The following PLXNB1 variants were observed in gnomAD, a reference collection of about 807,000 sequenced individuals.
PLXNB1 encodes the protein plexin-B1.
In PLXNB1, 106 loss-of-function variants were observed where a neutral mutation model predicts 209.4. That is an observed-to-expected ratio of 0.51 (90% CI 0.43 to 0.59). The LOEUF (loss-of-function observed/expected upper bound fraction) is 0.59, where lower values mean the gene tolerates loss of function less well. PLXNB1 is among the 20% of genes least tolerant of loss of function. The pLI is 0.00. For missense variants in PLXNB1, 2,357 were observed against 2,853.2 expected (o/e 0.83, Z 3.96); for synonymous variants, 1,167 against 1,183.2 (o/e 0.99, Z 0.28).
At position 48,421,770 on chromosome 3, in the gene PLXNB1, G is replaced by T; in HGVS notation, c.1557C>A (p.Gly519=). The T allele has an allele frequency of 6.2e-7, 1 of 1,606,706 alleles. No individual in the cohort carries two copies. The highest frequency in any genetic ancestry group is 8.5e-7 in the Non-Finnish European group (1 of 1,174,138). Residue 519 remains glycine, a synonymous_variant, in exon 7 of 38, where the codon GGC becomes GGA. Transcript: ENST00000296440. ...SRRSECSRGQ[G]PEQWLWSFQP... Reference sequence around the variant, plus strand: ...GGAAGCTCCATAGCCACTGCTCTGGGCCCTGGCCCCTCGAGCACTCAGAAC... The same window carrying T: ...GGAAGCTCCATAGCCACTGCTCTGGTCCCTGGCCCCTCGAGCACTCAGAAC...
At position 48,418,010 on chromosome 3, in the gene PLXNB1, C is replaced by T; in HGVS notation, c.3275G>A (p.Gly1092Asp). The T allele has an allele frequency of 6.2e-7, 1 of 1,613,510 alleles. No individual in the cohort carries two copies. Among genetic ancestry groups the T allele is most frequent in the Non-Finnish European group, 8.5e-7 (1 of 1,180,012 alleles). The change falls in exon 16 of 38, where the codon GGC (glycine) becomes GAC (aspartate). Residue 1092 changes from glycine to aspartate, a missense_variant. Physicochemically the swap from Gly to Asp is moderately conservative, Grantham distance 94. Transcript: ENST00000296440. The surrounding 1 kb of genome is among the most constrained non-coding windows in gnomAD (Gnocchi z 6.6). The part of the protein sequence containing the change: ...VDGGTRVTIR[G>D]SNLGQHVQDV... Reference sequence around the variant, plus strand: ...CTGCACATGCTGGCCCAGGTTGGAGCCCCTGATGGTGACACGGGTGCCTCC... The same window carrying T: ...CTGCACATGCTGGCCCAGGTTGGAGTCCCTGATGGTGACACGGGTGCCTCC...
Position 48,415,642 on chromosome 3 carries a change from C to T in PLXNB1, c.3735G>A (p.Gln1245=), listed in dbSNP as rs759284081. The part of the protein sequence containing the change: ...GATERRLQRG[Q]FKYTLDPNIT... Reference sequence around the variant, plus strand: ...TGTTGGGGTCCAAGGTATACTTGAACTGTCCGCGTTGAAGCCTCCGCTCCG... The same window carrying T: ...TGTTGGGGTCCAAGGTATACTTGAATTGTCCGCGTTGAAGCCTCCGCTCCG... The change falls in exon 19 of 38, where the codon CAG becomes CAA. Residue 1245 remains glutamine (Q), a synonymous_variant. Coordinates refer to ENST00000296440, the MANE Select transcript of PLXNB1 (RefSeq NM_001130082.3). The surrounding 1 kb of genome is among the most constrained non-coding windows in gnomAD (Gnocchi z 5.0). 6 of 1,580,470 alleles carry T rather than the reference C, an allele frequency of 3.8e-6. No homozygotes were observed. Among genetic ancestry groups the T allele is most frequent in the Non-Finnish European group, 5.2e-6 (6 of 1,162,924 alleles).
Position 48,424,477 on chromosome 3 carries a change from G to C in PLXNB1, c.135C>G (p.Gly45=). The change falls in exon 3 of 38, where the codon GGC becomes GGG. Residue 45 remains glycine (G), a synonymous_variant. Transcript: ENST00000296440. Reference sequence around the variant, plus strand: ...AGTTGGTAGCCCCCAGGTAGAGGGTGCCTGAGGTGGGGTCCCTTGCCAGGT... The same window carrying C: ...AGTTGGTAGCCCCCAGGTAGAGGGTCCCTGAGGTGGGGTCCCTTGCCAGGT... ...LQHLARDPTS[G]TLYLGATNFL... is the part of the protein sequence containing the mutation. 5.0e-6 allele frequency: 8 copies of C among 1,602,118 alleles called. No homozygotes were observed. Among genetic ancestry groups the C allele is most frequent in the Non-Finnish European group, 6.8e-6 (8 of 1,174,396 alleles).
intron 1 of PLXNB1, among the ~76,000 whole-genome samples, chr3:48,426,808 T>A (rs981551796): frequency 3.3e-5 from 5 of 152,046 alleles, no homozygotes; most frequent in African/African-American, 7.2e-5. Flanking sequence ...GCAGGGAAAG[T>A]CTCGAACCCG....
At position 48,407,052 on chromosome 3, in the gene PLXNB1, G is replaced by C. The variant is rs1304908922; in HGVS notation, c.6127C>G (p.Pro2043Ala). 1 of 1,614,140 alleles carries C rather than the reference G, an allele frequency of 6.2e-7. No individual in the cohort carries two copies. Among genetic ancestry groups the C allele is most frequent in the East Asian group, 2.2e-5 (1 of 44,868 alleles). Reference sequence around the variant, plus strand: ...CTTTCCACCATCCGCTTGTACCGGGGAATGTCCCGTGCATACAGAAGTTTG... The same window carrying C: ...CTTTCCACCATCCGCTTGTACCGGGCAATGTCCCGTGCATACAGAAGTTTG... Reference protein sequence around the residue: ...INKLLYARDIPRYKRMVERYY... With the variant: ...INKLLYARDIARYKRMVERYY... Residue 2043 changes from proline (P) to alanine (A), a missense_variant, in exon 35 of 38, where the codon CCC becomes GCC. By Grantham distance (27) the Pro-to-Ala change is conservative. This residue lies in a region of PLXNB1 where 414 missense variants were observed against 520.5 expected (regional missense o/e 0.80). Transcript: ENST00000296440.
Position 48,406,837 on chromosome 3 carries a change from C to T in PLXNB1, c.6214G>A (p.Ala2072Thr), listed in dbSNP as rs747827750. The T allele has an allele frequency of 1.2e-6, 2 of 1,610,808 alleles. No homozygotes were observed. Among genetic ancestry groups the T allele is most frequent in the Admixed American group, 1.7e-5 (1 of 59,594 alleles). ...GGAGGCCTTACCCAGGACAGTTCAG[C>T]CAGGACAGAGTTCATCTCTTGGTCG... The part of the protein sequence containing the change: ...ASDQEMNSVL[A>T]ELSWNYSGDL... The change falls in exon 36 of 38, where the codon GCT (alanine) becomes ACT (threonine). Residue 2072 changes from alanine to threonine, a missense_variant. Ala to Thr is a moderately conservative substitution (Grantham distance 58). Transcript: ENST00000296440. This position sits in a 1 kb window ranked among gnomAD's most constrained non-coding sequence, Gnocchi z 4.4.
chr3:48,420,742 AC>A lies in PLXNB1; in HGVS notation c.1950del (p.Cys651ValfsTer147). On this transcript the variant is annotated frameshift_variant, in exon 10 of 38. Transcript: ENST00000296440. LOFTEE classifies it high-confidence loss of function. ...QCQACVSSRW[G>X]CNWCVWQHLC... is the part of the protein sequence containing the mutation. ...AGGTGCTGCCAGACACACCAGTTACACCCCCAGCGGCTGCTCACACAGGCCT... is the reference window on the plus strand; with the variant it reads ...AGGTGCTGCCAGACACACCAGTTACACCCCAGCGGCTGCTCACACAGGCCT... The A allele has an allele frequency of 6.2e-7, 1 of 1,613,764 alleles. No homozygotes were observed.
rs1005998498 is a variant in PLXNB1, at chr3:48,418,858, C to T, written c.2955+59G>A. Reference sequence around the variant, plus strand: ...GTGTGGTGCAGCCAGCTACAGTTGGCAGCCAGCCTGTGGCCAGTGCAGTGC... The same window carrying T: ...GTGTGGTGCAGCCAGCTACAGTTGGTAGCCAGCCTGTGGCCAGTGCAGTGC... On this transcript the variant is annotated intron_variant, in intron 13 of 37. Coordinates refer to ENST00000296440, the MANE Select transcript of PLXNB1 (RefSeq NM_001130082.3). The surrounding 1 kb of genome is among the most constrained non-coding windows in gnomAD (Gnocchi z 6.6). 3.7e-6 allele frequency: 6 copies of T among 1,601,736 alleles called. No individual in the cohort carries two copies. Among genetic ancestry groups the T allele is most frequent in the African/African-American group, 1.3e-5 (1 of 74,748 alleles).
intron 1 of PLXNB1, among the ~76,000 whole-genome samples, chr3:48,425,751 G>A (rs1380264999): frequency 6.6e-6 from 1 of 151,716 alleles, no homozygotes; most frequent in Non-Finnish European, 1.5e-5. Flanking sequence ...CAGCAGACAG[G>A]CAGTCGCACA....
rs1560053307 is a variant in PLXNB1 at position 48,413,221 on chromosome 3, AG to A, written c.4536-53del. The A allele has an allele frequency of 1.4e-6, 2 of 1,429,634 alleles. No individual in the cohort carries two copies. The highest frequency in any genetic ancestry group is 2.8e-5 in the African/African-American group (2 of 71,554). The allele number at this position is 1,429,634 out of a possible 1,614,324, so 88.6% of individuals were successfully genotyped here. ...ATGGCCAGATGAGTCCTACTCGCCCAGGCCTGCCTGACAATCCCCAGGCACA... is the reference window on the plus strand; with the variant it reads ...ATGGCCAGATGAGTCCTACTCGCCCAGCCTGCCTGACAATCCCCAGGCACA... On this transcript the variant is annotated intron_variant, in intron 23 of 37. Transcript: ENST00000296440. This position sits in a 1 kb window ranked among gnomAD's most constrained non-coding sequence, Gnocchi z 5.4.
In PLXNB1 at chr3:48,415,730, C is replaced by A. The variant is rs771028218; in HGVS notation, c.3647G>T (p.Arg1216Leu). The A allele has an allele frequency of 5.2e-6, 8 of 1,549,614 alleles. No individual in the cohort carries two copies. In the Admixed American group the frequency reaches 1.6e-4, roughly 30 times the overall value. The change falls in exon 19 of 38, where the codon CGG (arginine) becomes CTG (leucine). Residue 1216 changes from arginine to leucine, a missense_variant. Physicochemically the swap from Arg to Leu is moderately radical, Grantham distance 102. Transcript: ENST00000296440. The surrounding 1 kb of genome is among the most constrained non-coding windows in gnomAD (Gnocchi z 5.0). ...CGTGGGGCGTGGGCTGGTCTCACAC[C>A]GCAGTTGTTCTGACTGCTGCTCCGG... ...LLPEQQSEQL[R>L]CETSPRPTPA... is the part of the protein sequence containing the mutation.
In PLXNB1 at chr3:48,412,855, G is replaced by A. The variant is rs765555201; in HGVS notation, c.4741C>T (p.Arg1581Cys). 3.1e-5 allele frequency: 50 copies of A among 1,613,644 alleles called. No individual in the cohort carries two copies. Among genetic ancestry groups the A allele is most frequent in the South Asian group, 1.2e-4 (11 of 91,078 alleles). The part of the protein sequence containing the change: ...YAERIFFPGH[R>C]ESPLHRDLGV... ...AGGTCCCGGTGCAAGGGCGACTCGC[G>A]GTGCCCAGGGAAGAAGATCCTCTCC... Residue 1581 changes from arginine (R) to cysteine (C), a missense_variant, in exon 25 of 38, where the codon CGC becomes TGC. By Grantham distance (180) the Arg-to-Cys change is radical (BLOSUM62 -3). Transcript: ENST00000296440.
In PLXNB1 at chr3:48,417,870, C is replaced by G. The variant is rs759620168; in HGVS notation, c.3374+41G>C. 7.6e-6 allele frequency: 12 copies of G among 1,578,124 alleles called. No individual in the cohort carries two copies. Among genetic ancestry groups the G allele is most frequent in the Admixed American group, 7.0e-5 (4 of 57,238 alleles). ...AAGCAGCAACGCCAACCGCGGAGGC[C>G]CCAGGCTGCGCCGTGCTCCTGCTGG... On this transcript the variant is annotated intron_variant, in intron 16 of 37. Coordinates refer to ENST00000296440, the MANE Select transcript of PLXNB1 (RefSeq NM_001130082.3). The surrounding 1 kb of genome is among the most constrained non-coding windows in gnomAD (Gnocchi z 4.4).
Position 48,413,476 on chromosome 3 carries a change from C to A in PLXNB1, c.4535+194G>T. 2 of 615,082 alleles carry A rather than the reference C, an allele frequency of 3.3e-6. No individual in the cohort carries two copies. The highest frequency in any genetic ancestry group is 3.0e-5 in the Admixed American group (1 of 32,974). 38.1% of individuals were successfully genotyped at this position (615,082 alleles called of 1,614,324 possible). ...CAGCCACTTTCATGTGTTTCCATGT[C>A]GTCCCTGGCTGCCTTTGTGCCACAG... On this transcript the variant is annotated intron_variant, in intron 23 of 37. Transcript: ENST00000296440. This position sits in a 1 kb window ranked among gnomAD's most constrained non-coding sequence, Gnocchi z 5.4.
Position 48,415,024 on chromosome 3 carries a change from A to T in PLXNB1, c.3984T>A (p.His1328Gln), listed in dbSNP as rs754946376. 1 of 1,613,226 alleles carries T rather than the reference A, an allele frequency of 6.2e-7. No homozygotes were observed. ...ACGTGATGAGCTGGGAGGAGTTGAC[A>T]TGGCACGGCTCCTCAAACTGGAAGG... ...CSSQQFEEPC[H>Q]VNSSQLITCR... The change falls in exon 21 of 38, where the codon CAT becomes CAA. Residue 1328 changes from histidine to glutamine, a missense_variant. Transcript: ENST00000296440. This position sits in a 1 kb window ranked among gnomAD's most constrained non-coding sequence, Gnocchi z 5.0.
Position 48,410,378 on chromosome 3 carries a change from G to A in PLXNB1, c.5523C>T (p.Val1841=), listed in dbSNP as rs768678950. 3 of 1,613,322 alleles carry A rather than the reference G, an allele frequency of 1.9e-6. No individual in the cohort carries two copies. Among genetic ancestry groups the A allele is most frequent in the Non-Finnish European group, 2.5e-6 (3 of 1,179,450 alleles). The change falls in exon 31 of 38, where the codon GTC becomes GTT. Residue 1841 remains valine, a splice_region_variant and synonymous_variant. Transcript: ENST00000296440. This position sits in a 1 kb window ranked among gnomAD's most constrained non-coding sequence, Gnocchi z 6.4. Reference sequence around the variant, plus strand: ...CGAGGGCCACAGTTGCTCCATCTGGGACCTGCTGAGCACAGCTGGTGATCC... The same window carrying A: ...CGAGGGCCACAGTTGCTCCATCTGGAACCTGCTGAGCACAGCTGGTGATCC... ...RRLNTLQHYK[V]PDGATVALVP... is the part of the protein sequence containing the mutation.
intron 1 of PLXNB1, among the ~76,000 whole-genome samples, chr3:48,427,615 C>G (rs1488446193): frequency 3.3e-5 from 5 of 152,194 alleles, no homozygotes; most frequent in Non-Finnish European, 7.3e-5. Flanking sequence ...CCACACCTCT[C>G]CCACCCGATC....
intron 26 of PLXNB1, 60 bp downstream of exon 26, chr3:48,412,382 C>T (rs532525618): frequency 2.5e-6 from 4 of 1,610,916 alleles, no homozygotes; most frequent in East Asian, 2.2e-5. Context: ...CCCCCCAGCC[C>T]GAGGCCCCAC....
In PLXNB1 at chr3:48,416,183, G is replaced by A. The variant is rs758532462; in HGVS notation, c.3481-16C>T. 33 of 1,597,344 alleles carry A rather than the reference G, an allele frequency of 2.1e-5. No homozygotes were observed. The highest frequency in any genetic ancestry group is 3.5e-5 in the Admixed American group (2 of 57,402). On this transcript the variant is annotated splice_polypyrimidine_tract_variant and intron_variant, in intron 17 of 37. Coordinates refer to ENST00000296440, the MANE Select transcript of PLXNB1 (RefSeq NM_001130082.3). The surrounding 1 kb of genome is among the most constrained non-coding windows in gnomAD (Gnocchi z 4.1). Reference sequence around the variant, plus strand: ...CCTTCGGATCCTGTGGGACAGACAGGGAGAGAGATGAGCATCAGACCAGAC... The same window carrying A: ...CCTTCGGATCCTGTGGGACAGACAGAGAGAGAGATGAGCATCAGACCAGAC...
Sources: allele counts gnomAD v4.1 joint callset (sites outside exome capture counted in the v4.1 genomes callset), GRCh38; gene constraint gnomAD v4.1.1; regional missense constraint gnomAD v4.1.1; non-coding constraint Gnocchi (gnomAD v3.1); transcripts MANE v1.5; gene names NCBI Gene and HGNC (gene_info 2026-07-23, HGNC 2026-07-21).